GMPR: variants seen among roughly 807,000 people sequenced by gnomAD.
GMPR encodes GMP reductase 1.
In GMPR, 31 loss-of-function variants were observed where a neutral mutation model predicts 38.4. That is an observed-to-expected ratio of 0.81 (90% CI 0.61 to 1.09). The LOEUF (loss-of-function observed/expected upper bound fraction) is 1.09. Among genes scored for constraint, GMPR ranks in the 50% least tolerant of loss-of-function variants. The pLI, the probability that GMPR is intolerant of heterozygous loss-of-function variation, is 0.00. For synonymous variants in GMPR, 162 were observed against 173.3 expected, an observed-to-expected ratio of 0.93 and a Z score of 0.51; for missense variants, 468 against 453.7, an observed-to-expected ratio of 1.03 and a Z score of -0.29.
At chr6:16,246,366 A>G (rs1308929728) in intron 1 of GMPR, among the ~76,000 whole-genome samples, 1 of 152,194 alleles carries the variant, frequency 6.6e-6, no homozygotes, top group Non-Finnish European at 1.5e-5. Context: ...GATCCTCATA[A>G]TTAAAGCAGC....
At position 16,284,113 on chromosome 6, in the gene GMPR, G is replaced by A. The variant is rs189379137; in HGVS notation, c.655-1680G>A. ...CTCAGTGCTCTGTGGCCCTCTGGGG[G>A]TCAGAGAAGCCATGTATGAATAACA... On this transcript the variant is annotated intron_variant, in intron 6 of 8. Coordinates refer to ENST00000259727, the MANE Select transcript of GMPR (RefSeq NM_006877.4). Among the ~76,000 whole-genome samples the A allele has an allele frequency of 8.5e-5, 13 of 152,324 alleles. No homozygotes were observed. The East Asian group carries it at 2.5e-3, about 29-fold the overall frequency.
intron 4 of GMPR, among the ~76,000 whole-genome samples, chr6:16,259,894 A>T (rs1477446029): frequency 6.6e-6 from 1 of 152,116 alleles, no homozygotes; most frequent in Admixed American, 6.6e-5. Flanking sequence ...GATGGCTTGG[A>T]GAAACAGTGT....
Position 16,295,080 on chromosome 6 carries a change from G to T in GMPR, c.932G>T (p.Gly311Val), listed in dbSNP as rs567737582. 1.9e-6 allele frequency: 3 copies of T among 1,601,156 alleles called. No individual in the cohort carries two copies. In the African/African-American group the frequency reaches 4.1e-5, roughly 22 times the overall value. ...VENTILDILG[G>V]LRSTCTYVGA... ...AACACTATCCTGGATATTCTCGGGG[G>T]ACTGAGGTCCACGTGCACCTACGTG... The change falls in exon 9 of 9, where the codon GGA (glycine) becomes GTA (valine). Residue 311 changes from glycine (G) to valine (V), a missense_variant. Coordinates refer to ENST00000259727, the MANE Select transcript of GMPR (RefSeq NM_006877.4).
chr6:16,290,984 G>A (rs1209826058), intron 8 of GMPR, among the ~76,000 whole-genome samples: 1 of 152,204 alleles, frequency 6.6e-6, no homozygotes, highest in Non-Finnish European at 1.5e-5. Flanking sequence ...CTTGAGAAGA[G>A]TTCAGGCTGA....
intron 7 of GMPR, among the ~76,000 whole-genome samples, chr6:16,286,930 AAAAT>A (rs1299233894): frequency 6.6e-6 from 1 of 152,186 alleles, no homozygotes; most frequent in Non-Finnish European, 1.5e-5. Context: ...TAAAAATTAA[AAAAT>A]AAATGGTCAG....
chr6:16,266,955 A>G (rs1225623321), intron 4 of GMPR, among the ~76,000 whole-genome samples: 2 of 151,688 alleles, frequency 1.3e-5, no homozygotes, highest in Non-Finnish European at 2.9e-5. Flanking sequence ...TTCACTCCTG[A>G]AGTCGGCGTA....
chr6:16,274,861 T>G (rs1463221866), intron 5 of GMPR, among the ~76,000 whole-genome samples: 1 of 152,166 alleles, frequency 6.6e-6, no homozygotes, highest in Non-Finnish European at 1.5e-5. Context: ...TAAACATGAA[T>G]GACTCCAGTT....
Position 16,295,082 on chromosome 6 carries a change from C to G in GMPR, c.934C>G (p.Leu312Val). Residue 312 changes from leucine to valine, a missense_variant, in exon 9 of 9, where the codon CTG becomes GTG. Physicochemically the swap from Leu to Val is conservative, Grantham distance 32. Coordinates refer to ENST00000259727, the MANE Select transcript of GMPR (RefSeq NM_006877.4). Reference sequence around the variant, plus strand: ...CACTATCCTGGATATTCTCGGGGGACTGAGGTCCACGTGCACCTACGTGGG... The same window carrying G: ...CACTATCCTGGATATTCTCGGGGGAGTGAGGTCCACGTGCACCTACGTGGG... ...ENTILDILGG[L>V]RSTCTYVGAA... The G allele has an allele frequency of 6.3e-7, 1 of 1,598,232 alleles. No individual in the cohort carries two copies. The highest frequency in any genetic ancestry group is 8.5e-7 in the Non-Finnish European group (1 of 1,174,738).
chr6:16,242,168 T>A (rs1007064842), intron 1 of GMPR, among the ~76,000 whole-genome samples: 4 of 152,208 alleles, frequency 2.6e-5, no homozygotes, highest in Non-Finnish European at 5.9e-5. Context: ...AGATGTTCAG[T>A]CTGCTTAAAA....
At chr6:16,284,299 C>T (rs1581664731) in intron 6 of GMPR, among the ~76,000 whole-genome samples, 2 of 152,216 alleles carry the variant, frequency 1.3e-5, no homozygotes, top group African/African-American at 4.8e-5. Context: ...AGAAAGGGAA[C>T]TGAGTCACAG....
intron 4 of GMPR, among the ~76,000 whole-genome samples, chr6:16,254,994 T>A (rs1406123319): frequency 1.3e-5 from 2 of 151,936 alleles, no homozygotes; most frequent in Non-Finnish European, 2.9e-5. Flanking sequence ...ATCACATGTT[T>A]CTTACTATCT....
chr6:16,260,290 C>T (rs1759057936), intron 4 of GMPR, among the ~76,000 whole-genome samples: 2 of 151,902 alleles, frequency 1.3e-5, no homozygotes, highest in African/African-American at 4.8e-5. Flanking sequence ...TGAAAAACTG[C>T]TTGGCTGATT....
intron 1 of GMPR, among the ~76,000 whole-genome samples, chr6:16,242,839 T>C (rs947127537): frequency 1.3e-5 from 2 of 152,124 alleles, no homozygotes; most frequent in Non-Finnish European, 2.9e-5. Context: ...GGTTTCTCCA[T>C]GTTGGTCAGG....
chr6:16,292,295 G>A (rs1368439852), intron 8 of GMPR, among the ~76,000 whole-genome samples: 3 of 151,978 alleles, frequency 2.0e-5, no homozygotes, highest in South Asian at 4.2e-4. Flanking sequence ...ATTTGTAGGT[G>A]GGGGGATTGG....
intron 2 of GMPR, among the ~76,000 whole-genome samples, chr6:16,248,625 C>T (rs918856254): frequency 3.3e-5 from 5 of 152,110 alleles, no homozygotes; most frequent in East Asian, 1.9e-4. Context: ...GGTGGTCTGT[C>T]GGATTCCGTG....
intron 1 of GMPR, among the ~76,000 whole-genome samples, chr6:16,239,556 C>T (rs890697075): frequency 2.0e-5 from 3 of 152,182 alleles, no homozygotes; most frequent in Non-Finnish European, 2.9e-5. Context: ...CAGAGTGCCC[C>T]GGGGTGGTGT....
At chr6:16,266,337 G>A (rs939110616) in intron 4 of GMPR, among the ~76,000 whole-genome samples, 1 of 151,152 alleles carries the variant, frequency 6.6e-6, no homozygotes. Context: ...AACTCTGGGT[G>A]CGCCACCTTT....
At chr6:16,252,086 T>G (rs936667771) in intron 3 of GMPR, among the ~76,000 whole-genome samples, 2 of 152,220 alleles carry the variant, frequency 1.3e-5, no homozygotes, top group African/African-American at 4.8e-5. Context: ...TTTTGATTAG[T>G]GAAAAAGTGG....
In GMPR at chr6:16,266,442, C is replaced by T. The variant is rs76696166; in HGVS notation, c.466-7973C>T. Reference sequence around the variant, plus strand: ...ACTGTGAAAAAGGTGGCACGTCGGACGTGCCACCTTTAAGAGCTGTAACAC... The same window carrying T: ...ACTGTGAAAAAGGTGGCACGTCGGATGTGCCACCTTTAAGAGCTGTAACAC... On this transcript the variant is annotated intron_variant, in intron 4 of 8. Coordinates refer to ENST00000259727, the MANE Select transcript of GMPR (RefSeq NM_006877.4). Among the ~76,000 whole-genome samples the T allele has an allele frequency of 8.7e-4, 74 of 84,962 alleles. 2 individuals carry two copies. The East Asian group carries it at 0.019, about 22-fold the overall frequency. 55.7% of individuals were successfully genotyped at this position (84,962 alleles called of 152,430 possible).
Sources: allele counts gnomAD v4.1 joint callset (sites outside exome capture counted in the v4.1 genomes callset), GRCh38; gene constraint gnomAD v4.1.1; transcripts MANE v1.5; gene names NCBI Gene and HGNC (gene_info 2026-07-23, HGNC 2026-07-21).